The following PCDHA11 variants were observed in gnomAD, a reference collection of about 807,000 sequenced individuals.
The protein encoded by PCDHA11 is protocadherin alpha 11.
A neutral mutation model predicts 70.3 loss-of-function variants in PCDHA11; 61 were observed. The ratio of observed to expected loss-of-function variants is 0.87; its 90% CI spans 0.71 to 1.07. The LOEUF is 1.07. Ranked by LOEUF, PCDHA11 falls within the 50% of genes least tolerant of loss-of-function variation. PCDHA11 has a pLI of 0.00. For missense variants in PCDHA11, 1,324 were observed against 1,237.5 expected (o/e 1.07, Z -1.05); for synonymous variants, 633 against 555.1 (o/e 1.14, Z -1.97).
At chr5:141,002,474 C>T (rs141241701) in intron 3 of PCDHA11, among the ~76,000 whole-genome samples, 65 of 152,334 alleles carry the variant, frequency 4.3e-4, no homozygotes, top group African/African-American at 1.3e-3. Flanking sequence ...TTAGCATTTT[C>T]AAAGGATGAC....
At chr5:140,873,752 C>T (rs2054472285) in intron 1 of PCDHA11, among the ~76,000 whole-genome samples, 1 of 152,154 alleles carries the variant, frequency 6.6e-6, no homozygotes, top group Non-Finnish European at 1.5e-5. Flanking sequence ...TCTCCACCTC[C>T]CATGTTCAAG....
At chr5:140,976,518 A>G (rs2096720750) in intron 1 of PCDHA11, among the ~76,000 whole-genome samples, 1 of 152,070 alleles carries the variant, frequency 6.6e-6, no homozygotes, top group Admixed American at 6.6e-5. Flanking sequence ...GCCACTGCAC[A>G]CCAGCCTAAA....
At chr5:140,936,244 T>C (rs879962489) in intron 1 of PCDHA11, among the ~76,000 whole-genome samples, 13 of 152,192 alleles carry the variant, frequency 8.5e-5, no homozygotes, top group Non-Finnish European at 1.6e-4. Context: ...AGAAAACATA[T>C]CCTGCTTCAA....
At chr5:140,967,780 T>C in intron 1 of PCDHA11, 1 of 1,614,214 alleles carries the variant, frequency 6.2e-7, no homozygotes, top group Non-Finnish European at 8.5e-7. Context: ...TGCAGGCGAC[T>C]GACCGGGGTC....
chr5:140,996,341 C>T (rs1554255109), intron 3 of PCDHA11, among the ~76,000 whole-genome samples: 2 of 152,160 alleles, frequency 1.3e-5, no homozygotes, highest in African/African-American at 4.8e-5. Context: ...AGTTTGAAAA[C>T]CCAACCAAAG....
chr5:140,893,781 G>A (rs113070458), intron 1 of PCDHA11, among the ~76,000 whole-genome samples: 3 of 151,996 alleles, frequency 2.0e-5, no homozygotes, highest in African/African-American at 4.8e-5. Flanking sequence ...TTCTTTTACC[G>A]TTTTTAGAAT....
intron 1 of PCDHA11, among the ~76,000 whole-genome samples, chr5:140,888,097 G>T (rs536916138): frequency 3.3e-4 from 50 of 152,066 alleles, no homozygotes; most frequent in African/African-American, 1.2e-3. Context: ...TCCTTAGTTT[G>T]CTTCTTTTAA....
chr5:140,878,348 T>G (rs55915538), intron 1 of PCDHA11, among the ~76,000 whole-genome samples: 4,312 of 152,298 alleles, frequency 0.028, 189 homozygotes, highest in African/African-American at 0.098. Flanking sequence ...ATCACAATAA[T>G]ATAAATGATA....
chr5:140,933,666 T>C (rs1334972770), intron 1 of PCDHA11, among the ~76,000 whole-genome samples: 3 of 152,046 alleles, frequency 2.0e-5, no homozygotes, highest in Non-Finnish European at 4.4e-5. Context: ...TCTCTCTCTG[T>C]CTCTCTCACA....
intron 3 of PCDHA11, among the ~76,000 whole-genome samples, chr5:140,982,824 GGTTT>G (rs74513655): frequency 0.037 from 5,640 of 152,044 alleles, 162 homozygotes; most frequent in Non-Finnish European, 0.055. Flanking sequence ...AAGTTTTTGG[GGTTT>G]GTTTGTTTGT....
At chr5:140,951,948 A>G (rs2153694438) in intron 1 of PCDHA11, among the ~76,000 whole-genome samples, 1 of 152,322 alleles carries the variant, frequency 6.6e-6, no homozygotes, top group South Asian at 2.1e-4. Context: ...GTGCGGGTAC[A>G]GGCATTGGGT....
intron 1 of PCDHA11, among the ~76,000 whole-genome samples, chr5:140,872,175 T>A (rs1402825591): frequency 6.6e-5 from 10 of 152,228 alleles, no homozygotes; most frequent in African/African-American, 2.4e-4. Context: ...CTTTTTTTTT[T>A]TTACAGTGTT....
At chr5:140,926,155 T>TGCAGCAGGATCCAGCGCGGAAAGCCCC (rs1563077309) in intron 1 of PCDHA11, among the ~76,000 whole-genome samples, 3 of 152,076 alleles carry the variant, frequency 2.0e-5, no homozygotes, top group African/African-American at 4.8e-5. Context: ...CGGAAAGCTC[T>TGCAGCAGGATCCAGCGCGGAAAGCCCC]GCAGCAGGAT....
chr5:140,929,646 A>G (rs868995130), intron 1 of PCDHA11: 1 of 365,824 alleles, frequency 2.7e-6, no homozygotes, highest in Non-Finnish European at 5.0e-6. Flanking sequence ...TGTGTAAGGC[A>G]CTCTAATATT....
chr5:140,940,502 G>A (rs182744023), intron 1 of PCDHA11, among the ~76,000 whole-genome samples: 2 of 151,906 alleles, frequency 1.3e-5, no homozygotes, highest in Admixed American at 6.5e-5. Context: ...TTGCTCCGTC[G>A]CTCAGGCGTG....
intron 1 of PCDHA11, among the ~76,000 whole-genome samples, chr5:140,975,516 G>A (rs1310855349): frequency 6.6e-6 from 1 of 152,284 alleles, no homozygotes; most frequent in South Asian, 2.1e-4. Flanking sequence ...TGCAAAATCT[G>A]CAGTGGATAT....
At chr5:140,928,669 A>C in intron 1 of PCDHA11, 1 of 1,614,160 alleles carries the variant, frequency 6.2e-7, no homozygotes, top group Non-Finnish European at 8.5e-7. Flanking sequence ...CAGTGGTTCT[A>C]ATGCCTGGCT....
chr5:140,875,516 TG>T, intron 1 of PCDHA11: 1 of 1,613,976 alleles, frequency 6.2e-7, no homozygotes, highest in Non-Finnish European at 8.5e-7. Context: ...CAGCGTCTGC[TG>T]CTCTCGCTTC....
In PCDHA11 at chr5:140,870,816, C is replaced by A; in HGVS notation, c.1713C>A (p.Ser571Arg). 7 of 1,613,668 alleles carry A rather than the reference C, an allele frequency of 4.3e-6. No individual in the cohort carries two copies. The highest frequency in any genetic ancestry group is 1.7e-5 in the Admixed American group (1 of 60,016). The stretch of plus-strand genomic sequence containing the variant: ...CACTGCTGGCGACTCAGGCTGGCAG[C>A]GCGGGAGGCGCAGTTAACAAGCTAG... The part of the protein sequence containing the change: ...APALLATQAG[S>R]AGGAVNKLVP... The change falls in exon 1 of 4, where the codon AGC becomes AGA. Residue 571 changes from serine (S) to arginine (R), a missense_variant. Coordinates refer to ENST00000398640, the MANE Select transcript of PCDHA11 (RefSeq NM_018902.5).
Sources: gnomAD v4.1 joint callset for allele counts (sites outside exome capture counted in the v4.1 genomes callset) on GRCh38, gnomAD v4.1.1 for gene constraint, MANE v1.5 for transcripts, NCBI Gene and HGNC (gene_info 2026-07-23, HGNC 2026-07-21) for gene names.